Variants in SCHIP1 observed in about 807,000 individuals in gnomAD.
SCHIP1 encodes the protein schwannomin interacting protein 1.
A neutral mutation model predicts 29.7 loss-of-function variants in SCHIP1; 8 were observed. The ratio of observed to expected loss-of-function variants is 0.27; its 90% CI spans 0.16 to 0.49. SCHIP1 has a LOEUF of 0.49. Among genes scored for constraint, SCHIP1 ranks in the 20% least tolerant of loss-of-function variants. The probability of loss-of-function intolerance (pLI) is 0.99; values close to 1 mark genes in which losing one functional copy is unlikely to be tolerated. For missense variants in SCHIP1, 193 were observed against 294.6 expected, an observed-to-expected ratio of 0.66 and a Z score of 2.52; for synonymous variants, 76 against 94.9, an observed-to-expected ratio of 0.80 and a Z score of 1.16.
the SCHIP1 span, among the ~76,000 whole-genome samples, chr3:159,412,027 T>G: frequency 6.6e-6 from 1 of 152,234 alleles, no homozygotes; most frequent in Non-Finnish European, 1.5e-5. Context: ...GAAGTACTTA[T>G]TTTGTACCAG....
chr3:159,332,256 A>G, the SCHIP1 span, among the ~76,000 whole-genome samples: 2 of 152,194 alleles, frequency 1.3e-5, no homozygotes, highest in African/African-American at 4.8e-5. Context: ...CAATTTGCCT[A>G]TATAAGCCTC....
chr3:159,671,372 T>C, the SCHIP1 span, among the ~76,000 whole-genome samples: 2 of 152,144 alleles, frequency 1.3e-5, no homozygotes, highest in Non-Finnish European at 2.9e-5. Flanking sequence ...CTTTTCTTCA[T>C]TGATTCTTCT....
chr3:159,407,098 T>G, the SCHIP1 span, among the ~76,000 whole-genome samples: 11 of 152,130 alleles, frequency 7.2e-5, no homozygotes, highest in Non-Finnish European at 2.9e-5. Flanking sequence ...ACTGAGTGGC[T>G]GAATGGATTT....
exon 1 of SCHIP1, chr3:159,839,966 G>C (rs1744060982): frequency 1.4e-6 from 2 of 1,417,544 alleles, no homozygotes; most frequent in Admixed American, 3.1e-5. Flanking sequence ...CACTGGTTTC[G>C]GAGGGCTGGA....
the SCHIP1 span, among the ~76,000 whole-genome samples, chr3:159,370,930 C>A: frequency 6.6e-6 from 1 of 152,124 alleles, no homozygotes; most frequent in Non-Finnish European, 1.5e-5. Flanking sequence ...TTCCAGCTTG[C>A]AGATGGCATA....
the SCHIP1 span, among the ~76,000 whole-genome samples, chr3:159,500,604 C>G: frequency 4.1e-4 from 62 of 151,946 alleles, no homozygotes; most frequent in South Asian, 1.2e-3. Context: ...GTCCCAGCTA[C>G]TCGGGAGGCT....
the SCHIP1 span, among the ~76,000 whole-genome samples, chr3:159,725,367 T>A: frequency 9.9e-5 from 15 of 151,948 alleles, no homozygotes; most frequent in Non-Finnish European, 1.9e-4. Context: ...CCTCCTGGGT[T>A]CAAGAGATTC....
At chr3:159,298,574 T>C in the SCHIP1 span, among the ~76,000 whole-genome samples, 1 of 152,180 alleles carries the variant, frequency 6.6e-6, no homozygotes, top group Admixed American at 6.6e-5. Context: ...GTAAGTTAGA[T>C]GCTGATAGAA....
the SCHIP1 span, among the ~76,000 whole-genome samples, chr3:159,442,509 T>C: frequency 6.6e-6 from 1 of 152,218 alleles, no homozygotes; most frequent in Non-Finnish European, 1.5e-5. Context: ...CCAGTGGTTT[T>C]TTCAGCGTTT....
the SCHIP1 span, chr3:159,306,642 T>G: frequency 1.5e-6 from 1 of 680,710 alleles, no homozygotes; most frequent in South Asian, 6.6e-5. Context: ...TTTCTAATAA[T>G]GTTTTAAGGA....
chr3:159,339,531 C>A, the SCHIP1 span, among the ~76,000 whole-genome samples: 1 of 152,140 alleles, frequency 6.6e-6, no homozygotes, highest in Admixed American at 6.6e-5. Context: ...CTCTGATTTT[C>A]TACCAAACTT....
At chr3:159,483,507 A>C in the SCHIP1 span, among the ~76,000 whole-genome samples, 1 of 152,178 alleles carries the variant, frequency 6.6e-6, no homozygotes, top group African/African-American at 2.4e-5. Context: ...CCCTGATAAA[A>C]TACAGCAGGA....
chr3:159,705,263 C>A, the SCHIP1 span, among the ~76,000 whole-genome samples: 3 of 152,096 alleles, frequency 2.0e-5, no homozygotes, highest in Non-Finnish European at 2.9e-5. Flanking sequence ...GGTGCCCGGA[C>A]AACAATACAA....
the SCHIP1 span, among the ~76,000 whole-genome samples, chr3:159,751,255 C>G: frequency 3.3e-4 from 50 of 152,268 alleles, no homozygotes; most frequent in Middle Eastern, 3.4e-3. Context: ...CAAGTTTTTA[C>G]ATTTTTAAAA....
chr3:159,360,539 A>T, the SCHIP1 span, among the ~76,000 whole-genome samples: 1 of 152,164 alleles, frequency 6.6e-6, no homozygotes, highest in East Asian at 1.9e-4. Flanking sequence ...TCAATTATGT[A>T]GTCATTTGCT....
At chr3:159,845,588 G>T (rs780067019) in intron 1 of SCHIP1, 5 of 151,956 alleles carry the variant, frequency 3.3e-5, no homozygotes, top group African/African-American at 4.8e-5. Flanking sequence ...CACCATGTTG[G>T]CCAGACTGGT....
the SCHIP1 span, among the ~76,000 whole-genome samples, chr3:159,723,791 C>A: frequency 1.3e-5 from 2 of 152,072 alleles, no homozygotes; most frequent in Non-Finnish European, 2.9e-5. Context: ...ACTAAGAGAC[C>A]CAGCAAAAGC....
chr3:159,630,915 AG>A, the SCHIP1 span, among the ~76,000 whole-genome samples: 1 of 152,200 alleles, frequency 6.6e-6, no homozygotes, highest in Non-Finnish European at 1.5e-5. Flanking sequence ...TGTTAAAATT[AG>A]ATGTGGTATT....
the SCHIP1 span, among the ~76,000 whole-genome samples, chr3:159,439,662 GT>G: frequency 2.6e-5 from 4 of 152,078 alleles, no homozygotes; most frequent in African/African-American, 9.7e-5. Flanking sequence ...TCATATATTT[GT>G]TGGCCACATG....
Sources: allele counts gnomAD v4.1 joint callset (sites outside exome capture counted in the v4.1 genomes callset), GRCh38; gene constraint gnomAD v4.1.1; transcripts MANE v1.5; gene names NCBI Gene and HGNC (gene_info 2026-07-23, HGNC 2026-07-21).